The following DNAH7 variants were observed in gnomAD, a reference collection of about 807,000 sequenced individuals.
The protein encoded by DNAH7 is axonemal beta dynein heavy chain 7.
DNAH7 carries 397 observed loss-of-function variants against 444.6 expected under a neutral mutation model. The observed-to-expected ratio is 0.89, with a 90% confidence interval of 0.82 to 0.97. DNAH7 has a LOEUF of 0.97. Ranked by LOEUF, DNAH7 falls within the 50% of genes least tolerant of loss-of-function variation. DNAH7 has a pLI of 0.00. For synonymous variants in DNAH7, 1,636 were observed against 1,624.4 expected, an observed-to-expected ratio of 1.01 and a Z score of -0.17; for missense variants, 4,902 against 4,800.8, an observed-to-expected ratio of 1.02 and a Z score of -0.62.
chr2:196,061,085 T>C (rs1362761739), intron 1 of DNAH7, among the ~76,000 whole-genome samples: 2 of 152,192 alleles, frequency 1.3e-5, no homozygotes, highest in African/African-American at 4.8e-5. Context: ...CACATACTTA[T>C]TTTTTGTGGT....
At chr2:195,836,201 A>G (rs974363254) in intron 47 of DNAH7, among the ~76,000 whole-genome samples, 7 of 152,122 alleles carry the variant, frequency 4.6e-5, no homozygotes, top group African/African-American at 1.7e-4. Flanking sequence ...GACCTCATTT[A>G]ACCTTAGTTA....
intron 16 of DNAH7, among the ~76,000 whole-genome samples, chr2:195,970,548 A>G (rs1455155025): frequency 2.0e-5 from 3 of 152,188 alleles, no homozygotes; most frequent in African/African-American, 7.2e-5. Context: ...CATTTCAATC[A>G]GCAATACTAA....
Position 195,855,949 on chromosome 2 carries a change from T to C in DNAH7, c.8457A>G (p.Ala2819=), listed in dbSNP as rs768550105. Residue 2819 remains alanine, a synonymous_variant, in exon 45 of 65, where the codon GCA becomes GCG. Transcript: ENST00000312428. ...TGGCAATTTTAAGCTCCCCTTCAGCTGCAGCCAGTTTTATCTTTTTGGGAG... is the reference window on the plus strand; with the variant it reads ...TGGCAATTTTAAGCTCCCCTTCAGCCGCAGCCAGTTTTATCTTTTTGGGAG... ...IVAPKKIKLA[A]AEGELKIAMD... 2 of 1,613,794 alleles carry C rather than the reference T, an allele frequency of 1.2e-6. No individual in the cohort carries two copies. Among genetic ancestry groups the C allele is most frequent in the Non-Finnish European group, 1.7e-6 (2 of 1,179,850 alleles).
intron 41 of DNAH7, among the ~76,000 whole-genome samples, chr2:195,862,366 A>C (rs1700070940): frequency 6.6e-6 from 1 of 152,112 alleles, no homozygotes; most frequent in South Asian, 2.1e-4. Context: ...GTCTACCTCA[A>C]TCATCCCAAT....
chr2:195,904,885 T>G (rs1023555310), intron 27 of DNAH7: 2 of 152,140 alleles, frequency 1.3e-5, no homozygotes, highest in Non-Finnish European at 2.9e-5. Context: ...TATTATTTTT[T>G]AAGGAATATG....
chr2:195,981,307 A>G (rs987205259), intron 15 of DNAH7, among the ~76,000 whole-genome samples: 2 of 152,138 alleles, frequency 1.3e-5, no homozygotes, highest in African/African-American at 4.8e-5. Context: ...CTATAGTGAA[A>G]ATTATAACAC....
intron 24 of DNAH7, among the ~76,000 whole-genome samples, chr2:195,911,506 A>T (rs1177683453): frequency 1.3e-5 from 2 of 152,182 alleles, no homozygotes; most frequent in African/African-American, 4.8e-5. Context: ...CAAGAAAAAC[A>T]TGAATGGAAA....
chr2:195,854,321 T>C (rs899034448), intron 45 of DNAH7, among the ~76,000 whole-genome samples: 1 of 152,160 alleles, frequency 6.6e-6, no homozygotes, highest in Non-Finnish European at 1.5e-5. Flanking sequence ...AAAAGATAAA[T>C]TCAACAATCA....
At chr2:195,932,831 T>C (rs1003075578) in intron 21 of DNAH7, among the ~76,000 whole-genome samples, 12 of 152,200 alleles carry the variant, frequency 7.9e-5, no homozygotes, top group African/African-American at 9.6e-5. Flanking sequence ...CAGTATTTTA[T>C]TGAGGATTTT....
chr2:195,999,908 AT>A, intron 12 of DNAH7, among the ~76,000 whole-genome samples: 1 of 152,176 alleles, frequency 6.6e-6, no homozygotes, highest in East Asian at 1.9e-4. Context: ...TAGTAAGCCT[AT>A]TTTTCAAAAT....
At chr2:196,041,501 G>A (rs1480801627) in intron 5 of DNAH7, among the ~76,000 whole-genome samples, 2 of 151,754 alleles carry the variant, frequency 1.3e-5, no homozygotes, top group South Asian at 4.1e-4. Flanking sequence ...GGGAAACTGG[G>A]TATCCATATG....
rs903368778 is a variant in DNAH7, at chr2:195,953,936, T to C, written c.3078+3325A>G. 7.9e-5 allele frequency among the ~76,000 whole-genome samples: 12 copies of C among 152,308 alleles called. No individual in the cohort carries two copies. In the East Asian group the frequency reaches 1.9e-3, roughly 25 times the overall value. ...TGGGTTTATGTTTATTTTCAGCTCT[T>C]TGGAGAGCATGAGCAAAAGCTTCCC... On this transcript the variant is annotated intron_variant, in intron 19 of 64. Transcript: ENST00000312428.
At chr2:195,873,539 T>A in intron 39 of DNAH7, 29 bp downstream of exon 39, 1 of 1,116,572 alleles carries the variant, frequency 9.0e-7, no homozygotes, top group Non-Finnish European at 1.2e-6. Context: ...ACCTCCTAAT[T>A]AAAAAAAAAA....
At chr2:195,745,009 G>A (rs1423269707) in intron 63 of DNAH7, among the ~76,000 whole-genome samples, 1 of 152,254 alleles carries the variant, frequency 6.6e-6, no homozygotes, top group Non-Finnish European at 1.5e-5. Flanking sequence ...GACGGAGAAT[G>A]ACTTTGACGA....
chr2:195,879,199 G>C (rs1006617767), intron 36 of DNAH7, among the ~76,000 whole-genome samples: 3 of 151,942 alleles, frequency 2.0e-5, no homozygotes, highest in Admixed American at 2.0e-4. Flanking sequence ...TTATTAAAAG[G>C]AAAAAGGGCT....
At chr2:196,020,245 G>A (rs1030230770) in intron 8 of DNAH7, among the ~76,000 whole-genome samples, 1 of 151,958 alleles carries the variant, frequency 6.6e-6, no homozygotes, top group African/African-American at 2.4e-5. Flanking sequence ...GTTAAGCTTT[G>A]TTATATATAA....
chr2:196,065,055 A>G (rs1355851551), intron 1 of DNAH7, among the ~76,000 whole-genome samples: 1 of 152,238 alleles, frequency 6.6e-6, no homozygotes, highest in East Asian at 1.9e-4. Context: ...TATATTGCCT[A>G]ATTTACTATG....
At chr2:195,801,234 A>G (rs193209223) in intron 54 of DNAH7, among the ~76,000 whole-genome samples, 21 of 152,230 alleles carry the variant, frequency 1.4e-4, no homozygotes, top group African/African-American at 4.6e-4. Flanking sequence ...TAAGACTATT[A>G]TCTAATTTCA....
chr2:195,874,033 A>G (rs1232556189), intron 38 of DNAH7, among the ~76,000 whole-genome samples: 2 of 151,974 alleles, frequency 1.3e-5, no homozygotes, highest in African/African-American at 4.8e-5. Context: ...AACATCCTCA[A>G]TACAATATTA....
Sources: gnomAD v4.1 joint callset for allele counts (sites outside exome capture counted in the v4.1 genomes callset) on GRCh38, gnomAD v4.1.1 for gene constraint, MANE v1.5 for transcripts, NCBI Gene and HGNC (gene_info 2026-07-23, HGNC 2026-07-21) for gene names.